PRKCA: variants seen among roughly 807,000 people sequenced by gnomAD.
The protein encoded by PRKCA is protein kinase C alpha.
A neutral mutation model predicts 87.0 loss-of-function variants in PRKCA; 27 were observed. The ratio of observed to expected loss-of-function variants is 0.31; its 90% confidence interval spans 0.23 to 0.43. PRKCA has a LOEUF of 0.43. Among genes scored for constraint, PRKCA ranks in the 20% least tolerant of loss-of-function variants. The pLI is 1.00. For missense variants in PRKCA, 518 were observed against 852.3 expected (o/e 0.61, Z 4.88); for synonymous variants, 329 against 311.1 (o/e 1.06, Z -0.61).
intron 2 of PRKCA, among the ~76,000 whole-genome samples, chr17:66,460,203 AT>A (rs1362583208): frequency 2.0e-5 from 3 of 152,182 alleles, no homozygotes; most frequent in Non-Finnish European, 4.4e-5. Context: ...TATGAAGGTC[AT>A]TGCCCGTGGA....
intron 3 of PRKCA, among the ~76,000 whole-genome samples, chr17:66,585,133 T>G (rs967723657): frequency 3.3e-5 from 5 of 151,528 alleles, no homozygotes; most frequent in African/African-American, 1.2e-4. Context: ...GCCCAAATGA[T>G]TGGTTAGATA....
chr17:66,768,769 T>C (rs1598929854), intron 13 of PRKCA, among the ~76,000 whole-genome samples: 1 of 152,128 alleles, frequency 6.6e-6, no homozygotes, highest in South Asian at 2.1e-4. Flanking sequence ...GCCAATCACC[T>C]CCCTCCAGGA....
At chr17:66,711,730 C>T (rs938695176) in intron 8 of PRKCA, among the ~76,000 whole-genome samples, 1 of 151,990 alleles carries the variant, frequency 6.6e-6, no homozygotes, top group Non-Finnish European at 1.5e-5. Flanking sequence ...GGGGAGAAAC[C>T]CTACTCCCCG....
At chr17:66,609,386 G>A (rs17686310) in intron 3 of PRKCA, among the ~76,000 whole-genome samples, 19,941 of 152,162 alleles carry the variant, frequency 0.13, 1,520 homozygotes, top group Middle Eastern at 0.17. Context: ...AAAGTGTAAT[G>A]CGTGTCTATA....
In PRKCA at chr17:66,596,115, G is replaced by A. The variant is rs144772446; in HGVS notation, c.289-45240G>A. On this transcript the variant is annotated intron_variant, in intron 3 of 16. Transcript: ENST00000413366. Reference sequence around the variant, plus strand: ...CGTTGTCAGCAACACTTCTTTCCGTGTGCTTGCTCCCTTAGTCTCTGTAAC... The same window carrying A: ...CGTTGTCAGCAACACTTCTTTCCGTATGCTTGCTCCCTTAGTCTCTGTAAC... 5.4e-3 allele frequency among the ~76,000 whole-genome samples: 820 copies of A among 152,280 alleles called. 5 individuals are homozygous for A. Among genetic ancestry groups the A allele is most frequent in the Middle Eastern group, 0.017 (5 of 294 alleles).
intron 2 of PRKCA, among the ~76,000 whole-genome samples, chr17:66,378,353 T>C (rs890614323): frequency 2.6e-5 from 4 of 152,134 alleles, no homozygotes; most frequent in African/African-American, 9.7e-5. Flanking sequence ...CTATCACATA[T>C]GCCATTTAAA....
chr17:66,608,350 T>C (rs552604064), intron 3 of PRKCA, among the ~76,000 whole-genome samples: 2 of 152,282 alleles, frequency 1.3e-5, no homozygotes, highest in South Asian at 4.1e-4. Flanking sequence ...TCAGGAAAAC[T>C]TGGGGTTTCT....
intron 3 of PRKCA, among the ~76,000 whole-genome samples, chr17:66,584,414 CAG>C (rs1201072965): frequency 6.6e-6 from 1 of 151,936 alleles, no homozygotes; most frequent in African/African-American, 2.4e-5. Context: ...TTAGTAGAGA[CAG>C]GGTTTCACCG....
chr17:66,369,597 C>T (rs1013742536), intron 2 of PRKCA, among the ~76,000 whole-genome samples: 1 of 152,172 alleles, frequency 6.6e-6, no homozygotes, highest in African/African-American at 2.4e-5. Context: ...AAGCATTTTC[C>T]ATCTCTATCC....
Position 66,803,995 on chromosome 17 carries a change from C to T in PRKCA, c.1977C>T (p.Val659=). Residue 659 remains valine (V), a synonymous_variant, in exon 17 of 17, where the codon GTC becomes GTT. Coordinates refer to ENST00000413366, the MANE Select transcript of PRKCA (RefSeq NM_002737.3). The surrounding 1 kb of genome is among the most constrained non-coding windows in gnomAD (Gnocchi z 4.4). ...DQSDFEGFSY[V]NPQFVHPILQ... is the part of the protein sequence containing the mutation. ...CTGATTTTGAAGGGTTCTCGTATGT[C>T]AACCCCCAGTTTGTGCACCCCATCT... The T allele has an allele frequency of 6.2e-7, 1 of 1,613,942 alleles. No individual in the cohort carries two copies. The highest frequency in any genetic ancestry group is 8.5e-7 in the Non-Finnish European group (1 of 1,179,918).
intron 2 of PRKCA, among the ~76,000 whole-genome samples, chr17:66,365,645 C>T (rs1297095928): frequency 3.3e-5 from 5 of 152,192 alleles, no homozygotes; most frequent in Non-Finnish European, 4.4e-5. Context: ...TAATCCTAAA[C>T]GCTCAATAAA....
At chr17:66,578,024 C>T (rs989287718) in intron 3 of PRKCA, among the ~76,000 whole-genome samples, 12 of 152,212 alleles carry the variant, frequency 7.9e-5, no homozygotes, top group African/African-American at 2.4e-4. Flanking sequence ...CCCTCCACCC[C>T]GTGAGCTCTT....
chr17:66,663,444 T>G (rs765106427), intron 5 of PRKCA, among the ~76,000 whole-genome samples: 1 of 152,236 alleles, frequency 6.6e-6, no homozygotes, highest in Non-Finnish European at 1.5e-5. Context: ...TAGTCTATTT[T>G]AAGCACAGAT....
chr17:66,607,220 G>GA (rs927993255), intron 3 of PRKCA, among the ~76,000 whole-genome samples: 1 of 152,144 alleles, frequency 6.6e-6, no homozygotes, highest in African/African-American at 2.4e-5. Flanking sequence ...TACCATAAGA[G>GA]AAAAATATGC....
At chr17:66,705,404 C>T (rs73997138) in intron 8 of PRKCA, among the ~76,000 whole-genome samples, 3,790 of 152,282 alleles carry the variant, frequency 0.025, 163 homozygotes, top group African/African-American at 0.086. Flanking sequence ...TCTCATGAGT[C>T]TGTAAGGGAG....
chr17:66,485,705 C>T (rs1915964985), intron 2 of PRKCA, among the ~76,000 whole-genome samples: 1 of 152,028 alleles, frequency 6.6e-6, no homozygotes, highest in Non-Finnish European at 1.5e-5. Flanking sequence ...ATGTGAGTGA[C>T]ATTGAAGCAG....
At chr17:66,510,279 G>A (rs1020120833) in intron 3 of PRKCA, among the ~76,000 whole-genome samples, 1 of 152,188 alleles carries the variant, frequency 6.6e-6, no homozygotes, top group East Asian at 1.9e-4. Context: ...TTGTTTTCGG[G>A]GGGAAAAGGT....
intron 13 of PRKCA, among the ~76,000 whole-genome samples, chr17:66,769,585 A>G (rs747820383): frequency 1.1e-4 from 16 of 152,044 alleles, no homozygotes; most frequent in Non-Finnish European, 1.6e-4. Flanking sequence ...CTCCCTTGCA[A>G]ATTTTGTTGG....
At chr17:66,772,187 C>T (rs191739662) in intron 13 of PRKCA, among the ~76,000 whole-genome samples, 3 of 152,230 alleles carry the variant, frequency 2.0e-5, no homozygotes, top group Admixed American at 2.0e-4. Context: ...ACTGGAGACT[C>T]ATTTCTTGGG....
Sources: gnomAD v4.1 joint callset for allele counts (sites outside exome capture counted in the v4.1 genomes callset) on GRCh38, gnomAD v4.1.1 for gene constraint, Gnocchi (gnomAD v3.1) non-coding constraint, MANE v1.5 for transcripts, NCBI Gene and HGNC (gene_info 2026-07-23, HGNC 2026-07-21) for gene names.